SLC47A2: variants seen among roughly 807,000 people sequenced by gnomAD.
SLC47A2 encodes solute carrier family 47 member 2, also known as multidrug and toxin extrusion protein 2.
SLC47A2 carries 52 observed loss-of-function variants against 67.7 expected under a neutral mutation model. That is an observed-to-expected ratio of 0.77 (90% CI 0.61 to 0.97). The LOEUF is 0.97. Among genes scored for constraint, SLC47A2 ranks in the 50% least tolerant of loss-of-function variants. SLC47A2 has a pLI of 0.00. For synonymous variants in SLC47A2, 278 were observed against 292.9 expected, an observed-to-expected ratio of 0.95 and a Z score of 0.52; for missense variants, 676 against 712.3, an observed-to-expected ratio of 0.95 and a Z score of 0.58.
At chr17:19,702,958 C>G in intron 12 of SLC47A2, 134 bp downstream of exon 12, 1 of 1,027,046 alleles carries the variant, frequency 9.7e-7, no homozygotes, top group Non-Finnish European at 1.5e-6. Flanking sequence ...GGCTTCCTCT[C>G]AGTGAGAGCC....
At chr17:19,715,747 C>CAGT (rs2086247274) in intron 1 of SLC47A2, 1 of 109,354 alleles carries the variant, frequency 9.1e-6, no homozygotes, top group African/African-American at 3.4e-5. Context: ...GCCCTTGTTG[C>CAGT]CCAGGCTGGA....
chr17:19,690,877 T>TG (rs2085525418), intron 13 of SLC47A2, among the ~76,000 whole-genome samples: 1 of 151,440 alleles, frequency 6.6e-6, no homozygotes, highest in African/African-American at 2.4e-5. Flanking sequence ...CCCAGCACCT[T>TG]GGGGGGTCGA....
intron 13 of SLC47A2, among the ~76,000 whole-genome samples, chr17:19,691,142 C>T (rs897538039): frequency 6.6e-6 from 1 of 151,820 alleles, no homozygotes; most frequent in Non-Finnish European, 1.5e-5. Flanking sequence ...AAAAGGGAGC[C>T]CTTGTACACT....
intron 13 of SLC47A2, among the ~76,000 whole-genome samples, chr17:19,687,248 A>C (rs1292550897): frequency 2.0e-5 from 3 of 152,210 alleles, no homozygotes; most frequent in African/African-American, 7.2e-5. Flanking sequence ...AACAAATGAT[A>C]ATGGAAACAA....
intron 13 of SLC47A2, among the ~76,000 whole-genome samples, chr17:19,688,731 T>A (rs1052737042): frequency 7.9e-5 from 12 of 151,958 alleles, no homozygotes; most frequent in African/African-American, 2.7e-4. Context: ...ATTTTTGTAT[T>A]TTTTTTAGTA....
intron 4 of SLC47A2, 116 bp from the exon 5 acceptor site, chr17:19,712,861 G>T: frequency 1.0e-6 from 1 of 982,344 alleles, no homozygotes; most frequent in Non-Finnish European, 1.6e-6. Flanking sequence ...GTCTCAGCCA[G>T]GACTGTGAAA....
chr17:19,692,795 C>G (rs1335423725), intron 13 of SLC47A2, among the ~76,000 whole-genome samples: 1 of 152,128 alleles, frequency 6.6e-6, no homozygotes, highest in Admixed American at 6.5e-5. Context: ...TATTAGCAAA[C>G]CAAATTTAGT....
chr17:19,702,132 T>A, intron 13 of SLC47A2: 1 of 984,620 alleles, frequency 1.0e-6, no homozygotes, highest in Non-Finnish European at 1.2e-6. Flanking sequence ...AATTACATAA[T>A]TCAAATCTGT....
intron 13 of SLC47A2, among the ~76,000 whole-genome samples, chr17:19,684,734 A>G (rs2085385083): frequency 6.6e-6 from 1 of 151,920 alleles, no homozygotes; most frequent in Non-Finnish European, 1.5e-5. Flanking sequence ...AAATAAATAG[A>G]TAAAAGATTA....
intron 5 of SLC47A2, among the ~76,000 whole-genome samples, chr17:19,710,351 G>A (rs2086060776): frequency 6.6e-6 from 1 of 152,098 alleles, no homozygotes; most frequent in African/African-American, 2.4e-5. Flanking sequence ...AATAAATGGT[G>A]TTCAAAAAAA....
rs567041983 is a variant in SLC47A2 at position 19,705,916 on chromosome 17, T to C, written c.842-413A>G. ...GCCCGGCTGATTTTGAAGGGCAGAT[T>C]GGTAACAATGACAACAAAAAGACAT... On this transcript the variant is annotated intron_variant, in intron 9 of 16. Coordinates refer to ENST00000433844, the MANE Select transcript of SLC47A2 (RefSeq NM_001099646.3). Among the ~76,000 whole-genome samples the C allele has an allele frequency of 3.3e-5, 5 of 152,260 alleles. No homozygotes were observed. The East Asian group carries it at 9.7e-4, about 29-fold the overall frequency.
rs1256187874 is a variant in SLC47A2 at position 19,704,167 on chromosome 17, C to T, written c.921G>A (p.Gly307=). The T allele has an allele frequency of 6.2e-7, 1 of 1,606,170 alleles. No homozygotes were observed. The highest frequency in any genetic ancestry group is 1.7e-5 in the Admixed American group (1 of 58,466). ...VATVTYMIPL[G]LSIGVCVRVG... ...CTCGGACACAGACCCCGATGCTGAG[C>T]CCCAAGGGAATCTGGGATCAAAGAT... The change falls in exon 11 of 17, where the codon GGG becomes GGA. Residue 307 remains glycine, a synonymous_variant. Coordinates refer to ENST00000433844, the MANE Select transcript of SLC47A2 (RefSeq NM_001099646.3).
At chr17:19,697,543 C>T (rs1006331440) in intron 13 of SLC47A2, among the ~76,000 whole-genome samples, 2 of 152,176 alleles carry the variant, frequency 1.3e-5, no homozygotes, top group East Asian at 3.8e-4. Flanking sequence ...CAAGCAAATA[C>T]AACCAGCTAC....
Position 19,707,776 on chromosome 17 carries a change from GCA to G in SLC47A2, c.695_696del (p.Val232AlafsTer37), listed in dbSNP as rs1567632009. ...AQTVFLLLYI[V>X]LKKLHLETWA... Reference sequence around the variant, plus strand: ...CACGTCTCCAGGTGCAGCTTCTTCAGCACAATGTAGAGAAGGAGGAAGACGGT... The same window carrying G: ...CACGTCTCCAGGTGCAGCTTCTTCAGCAATGTAGAGAAGGAGGAAGACGGT... On this transcript the variant is annotated frameshift_variant, in exon 8 of 17. Coordinates refer to ENST00000433844, the MANE Select transcript of SLC47A2 (RefSeq NM_001099646.3). LOFTEE classifies it high-confidence loss of function. The G allele has an allele frequency of 1.9e-6, 3 of 1,600,978 alleles. No individual in the cohort carries two copies. Among genetic ancestry groups the G allele is most frequent in the Non-Finnish European group, 2.6e-6 (3 of 1,174,088 alleles).
chr17:19,701,096 A>G (rs911736413), intron 13 of SLC47A2, among the ~76,000 whole-genome samples: 3 of 143,138 alleles, frequency 2.1e-5, no homozygotes, highest in African/African-American at 7.8e-5. Context: ...TGAACCCAGG[A>G]GGTGGAGGTT....
At chr17:19,711,794 T>C (rs1279035060) in intron 5 of SLC47A2, among the ~76,000 whole-genome samples, 1 of 151,936 alleles carries the variant, frequency 6.6e-6, no homozygotes, top group African/African-American at 2.4e-5. Context: ...CTGTAATTGA[T>C]AGTTTCCTTG....
chr17:19,701,724 T>A (rs1434097443), intron 13 of SLC47A2, among the ~76,000 whole-genome samples: 1 of 152,306 alleles, frequency 6.6e-6, no homozygotes, highest in East Asian at 1.9e-4. Flanking sequence ...TTCATGCCTA[T>A]TGTCCCAGCA....
chr17:19,696,353 T>C (rs532742281), intron 13 of SLC47A2, among the ~76,000 whole-genome samples: 1 of 149,592 alleles, frequency 6.7e-6, no homozygotes, highest in East Asian at 2.0e-4. Context: ...TCCCAGCTAC[T>C]TGGGAGGCTG....
intron 13 of SLC47A2, chr17:19,702,272 C>G: frequency 2.0e-6 from 2 of 985,234 alleles, no homozygotes; most frequent in Non-Finnish European, 2.4e-6. Context: ...CCATTCAGCT[C>G]CTGGCCAGCC....
Sources: allele counts gnomAD v4.1 joint callset (sites outside exome capture counted in the v4.1 genomes callset), GRCh38; gene constraint gnomAD v4.1.1; transcripts MANE v1.5; gene names NCBI Gene and HGNC (gene_info 2026-07-23, HGNC 2026-07-21).